C2: variants seen among roughly 807,000 people sequenced by gnomAD.
The protein encoded by C2 is C3/C5 convertase.
C2 carries 64 observed loss-of-function variants against 85.2 expected under a neutral mutation model. The ratio of observed to expected loss-of-function variants is 0.75; its 90% CI spans 0.61 to 0.92. C2 has a LOEUF of 0.92. Among genes scored for constraint, C2 ranks in the 40% least tolerant of loss-of-function variants. The pLI is 0.00. For missense variants in C2, 820 were observed against 971.6 expected (o/e 0.84, Z 2.07); for synonymous variants, 311 against 370.8 (o/e 0.84, Z 1.85).
chr6:31,917,295 A>G (rs1768606739), upstream of C2, among the ~76,000 whole-genome samples: 1 of 152,094 alleles, frequency 6.6e-6, no homozygotes, highest in African/African-American at 2.4e-5. Flanking sequence ...ATAGTTTTGC[A>G]GCCATAAAAA....
chr6:31,900,934 G>A, upstream of C2: 1 of 1,614,206 alleles, frequency 6.2e-7, no homozygotes, highest in Non-Finnish European at 8.5e-7. This position sits in a 1 kb window ranked among gnomAD's most constrained non-coding sequence, Gnocchi z 9.7. Context: ...CAATGAACTG[G>A]CTGAGGGCAT....
chr6:31,944,854 G>A lies in C2; in HGVS notation c.2029+1G>A, dbSNP rs1245299683. The A allele has an allele frequency of 1.9e-6, 3 of 1,613,090 alleles. No homozygotes were observed. Among genetic ancestry groups the A allele is most frequent in the Non-Finnish European group, 2.5e-6 (3 of 1,180,036 alleles). ...CAGGAGGATGAGAGTCCCTGCAAGG[G>A]TGAGTCCCTCACCATGCCTGGATTC... On this transcript the variant is annotated splice_donor_variant, in intron 16 of 17. Transcript: ENST00000299367. LOFTEE classifies it high-confidence loss of function. This position sits in a 1 kb window ranked among gnomAD's most constrained non-coding sequence, Gnocchi z 5.1.
chr6:31,940,303 GTTA>G (rs1168684685), intron 9 of C2, among the ~76,000 whole-genome samples: 1 of 152,046 alleles, frequency 6.6e-6, no homozygotes. Flanking sequence ...GACCGTCGTC[GTTA>G]TCATCATCAT....
chr6:31,901,398 C>A, intron 1 of C2: 1 of 1,324,982 alleles, frequency 7.5e-7, no homozygotes, highest in Non-Finnish European at 1.0e-6. Flanking sequence ...GACCCTCGCC[C>A]CCATTCTTGC....
upstream of C2, among the ~76,000 whole-genome samples, chr6:31,924,498 G>T (rs1191185102): frequency 6.6e-6 from 1 of 152,134 alleles, no homozygotes; most frequent in Admixed American, 6.5e-5. Flanking sequence ...TTTATACATT[G>T]AGGAGTAAAC....
intron 1 of C2, among the ~76,000 whole-genome samples, chr6:31,913,385 G>C (rs901479957): frequency 6.6e-6 from 1 of 152,206 alleles, no homozygotes; most frequent in African/African-American, 2.4e-5. Flanking sequence ...CGACCAGCCT[G>C]GCCAACATGG....
At chr6:31,936,936 T>C in intron 7 of C2, 1 of 221,524 alleles carries the variant, frequency 4.5e-6, no homozygotes, top group Non-Finnish European at 9.0e-6. Flanking sequence ...CCAGGCCGGG[T>C]GCAGTGGCTC....
intron 3 of C2, 105 bp from the exon 4 acceptor site, chr6:31,933,505 C>T (rs1770096446): frequency 8.3e-7 from 1 of 1,200,934 alleles, no homozygotes; most frequent in Non-Finnish European, 1.2e-6. Context: ...TGGGTGCATC[C>T]CTGGGTTGGA....
At position 31,944,472 on chromosome 6, in the gene C2, C is replaced by T. The variant is rs1306210366; in HGVS notation, c.1902+246C>T. On this transcript the variant is annotated intron_variant, in intron 15 of 17. Coordinates refer to ENST00000299367, the MANE Select transcript of C2 (RefSeq NM_000063.6). This position sits in a 1 kb window ranked among gnomAD's most constrained non-coding sequence, Gnocchi z 5.1. Reference sequence around the variant, plus strand: ...CCTCAGCTCACTGCAACTTCTGCCTCCTGGGTTCAAGCGATTCTCCTACTT... The same window carrying T: ...CCTCAGCTCACTGCAACTTCTGCCTTCTGGGTTCAAGCGATTCTCCTACTT... 6.6e-6 allele frequency among the ~76,000 whole-genome samples: 1 copy of T among 152,214 alleles called. No individual in the cohort carries two copies. Among genetic ancestry groups the T allele is most frequent in the Admixed American group, 6.5e-5 (1 of 15,282 alleles).
chr6:31,930,620 G>A (rs1390090305), intron 3 of C2, among the ~76,000 whole-genome samples: 1 of 152,190 alleles, frequency 6.6e-6, no homozygotes, highest in African/African-American at 2.4e-5. Flanking sequence ...TTGCCTGTGG[G>A]TTTGGGAGCT....
chr6:31,930,953 G>T (rs75299219), intron 3 of C2, among the ~76,000 whole-genome samples: 17 of 152,336 alleles, frequency 1.1e-4, no homozygotes, highest in East Asian at 3.9e-4. Context: ...ACAGAATGAG[G>T]TTCCCTCTTG....
chr6:31,935,071 C>T lies in C2; in HGVS notation c.849+772C>T. On this transcript the variant is annotated intron_variant, in intron 6 of 17. Transcript: ENST00000299367. This position sits in a 1 kb window ranked among gnomAD's most constrained non-coding sequence, Gnocchi z 4.3. ...ATGTGTGATAGAAGTTTGGAAGCCACTGGTTTAAGTTCCTCGCCAGAACTT... is the reference window on the plus strand; with the variant it reads ...ATGTGTGATAGAAGTTTGGAAGCCATTGGTTTAAGTTCCTCGCCAGAACTT... 2 of 973,436 alleles carry T rather than the reference C, an allele frequency of 2.1e-6. No homozygotes were observed. The highest frequency in any genetic ancestry group is 2.4e-6 in the Non-Finnish European group (2 of 819,082). 60.3% of individuals were successfully genotyped at this position (973,436 alleles called of 1,614,324 possible).
chr6:31,945,084 G>T lies in C2; in HGVS notation c.2079+55G>T. ...GGGTTACAGGATCTCAGCCTTGTTGGGGGGATGAGGGAGGCCTTTGAGGGA... is the reference window on the plus strand; with the variant it reads ...GGGTTACAGGATCTCAGCCTTGTTGTGGGGATGAGGGAGGCCTTTGAGGGA... On this transcript the variant is annotated intron_variant, in intron 17 of 17. Coordinates refer to ENST00000299367, the MANE Select transcript of C2 (RefSeq NM_000063.6). The surrounding 1 kb of genome is among the most constrained non-coding windows in gnomAD (Gnocchi z 5.3). 2 of 1,610,410 alleles carry T rather than the reference G, an allele frequency of 1.2e-6. No individual in the cohort carries two copies. Among genetic ancestry groups the T allele is most frequent in the Non-Finnish European group, 1.7e-6 (2 of 1,177,702 alleles).
Position 31,943,043 on chromosome 6 carries a change from A to G in C2, c.1304A>G (p.His435Arg). 1 of 1,613,122 alleles carries G rather than the reference A, an allele frequency of 6.2e-7. No individual in the cohort carries two copies. The highest frequency in any genetic ancestry group is 8.5e-7 in the Non-Finnish European group (1 of 1,180,048). Residue 435 changes from histidine to arginine, a missense_variant, in exon 10 of 18, where the codon CAT becomes CGT. His to Arg is a conservative substitution (Grantham distance 29). Transcript: ENST00000299367. The surrounding 1 kb of genome is among the most constrained non-coding windows in gnomAD (Gnocchi z 6.4). The part of the protein sequence containing the change: ...ELGSKKDGER[H>R]AFILQDTKAL... Reference sequence around the variant, plus strand: ...GGGTCCAAGAAGGATGGTGAGAGGCATGCCTTCATTCTGCAGGACACAAAG... The same window carrying G: ...GGGTCCAAGAAGGATGGTGAGAGGCGTGCCTTCATTCTGCAGGACACAAAG...
At chr6:31,934,675 A>G in intron 6 of C2, 1 of 1,266,034 alleles carries the variant, frequency 7.9e-7, no homozygotes, top group Non-Finnish European at 9.9e-7. Flanking sequence ...AATATTTAAT[A>G]ATTTCCTTTT....
chr6:31,900,547 G>A (rs1767141305), upstream of C2: 1 of 1,611,764 alleles, frequency 6.2e-7, no homozygotes, highest in African/African-American at 1.3e-5. This position sits in a 1 kb window ranked among gnomAD's most constrained non-coding sequence, Gnocchi z 9.7. Context: ...CTACAGTGCT[G>A]GGGGGAACGC....
chr6:31,936,162 TTGG>T (rs1770401719), intron 7 of C2, 101 bp downstream of exon 7: 1 of 1,307,326 alleles, frequency 7.6e-7, no homozygotes. Context: ...GTGAGGCCTC[TTGG>T]TGGCACCTGA....
chr6:31,937,258 C>G, intron 7 of C2, 61 bp from the exon 8 acceptor site: 2 of 1,575,730 alleles, frequency 1.3e-6, no homozygotes, highest in Non-Finnish European at 1.7e-6. Flanking sequence ...AGAGTGATTC[C>G]CTACCCCTAG....
At chr6:31,927,542 AG>A, upstream of C2, 1 of 1,480,796 alleles carries the variant, frequency 6.8e-7, no homozygotes, top group Non-Finnish European at 8.9e-7. The surrounding 1 kb of genome is among the most constrained non-coding windows in gnomAD (Gnocchi z 4.7). Context: ...TATTAGCATC[AG>A]GGAGACAGGG....
Sources: allele counts gnomAD v4.1 joint callset (sites outside exome capture counted in the v4.1 genomes callset), GRCh38; gene constraint gnomAD v4.1.1; non-coding constraint Gnocchi (gnomAD v3.1); transcripts MANE v1.5; gene names NCBI Gene and HGNC (gene_info 2026-07-23, HGNC 2026-07-21).